Variants in LDB2 observed in about 807,000 individuals in gnomAD.
The protein encoded by LDB2 is LIM domain-binding protein 2.
LDB2 carries 12 observed loss-of-function variants against 44.3 expected under a neutral mutation model. The observed-to-expected ratio is 0.27, with a 90% CI of 0.17 to 0.44. The LOEUF is 0.44. LDB2 is among the 20% of genes least tolerant of loss of function. The pLI, the probability that LDB2 is intolerant of heterozygous loss-of-function variation, is 1.00. For synonymous variants in LDB2, 164 were observed against 174.8 expected, an observed-to-expected ratio of 0.94 and a Z score of 0.49; for missense variants, 344 against 473.5, an observed-to-expected ratio of 0.73 and a Z score of 2.54.
chr4:16,888,635 A>G (rs888320758), intron 1 of LDB2: 8 of 783,610 alleles, frequency 1.0e-5, no homozygotes, highest in Admixed American at 1.2e-4. Flanking sequence ...ATTTTTAAAG[A>G]TACTTTTAAG....
intron 2 of LDB2, among the ~76,000 whole-genome samples, chr4:16,680,367 G>A (rs1410143347): frequency 6.6e-6 from 1 of 152,172 alleles, no homozygotes; most frequent in East Asian, 1.9e-4. Context: ...ATCTGCTTCA[G>A]CCTGCTCTTT....
At chr4:16,834,459 A>C (rs1322547720) in intron 1 of LDB2, among the ~76,000 whole-genome samples, 2 of 152,226 alleles carry the variant, frequency 1.3e-5, no homozygotes, top group Admixed American at 1.3e-4. Flanking sequence ...TATGTTCTGC[A>C]GTTTGGGACA....
At chr4:16,550,733 G>T (rs1459577036) in intron 5 of LDB2, among the ~76,000 whole-genome samples, 5 of 152,192 alleles carry the variant, frequency 3.3e-5, no homozygotes, top group Non-Finnish European at 7.3e-5. Context: ...TGGCATTTTG[G>T]CAAATAATTC....
At chr4:16,639,639 T>G (rs1734602026) in intron 2 of LDB2, among the ~76,000 whole-genome samples, 1 of 152,220 alleles carries the variant, frequency 6.6e-6, no homozygotes, top group South Asian at 2.1e-4. Flanking sequence ...TTTTGTATTT[T>G]TAGTAGAGAC....
At chr4:16,876,109 T>C (rs980855316) in intron 1 of LDB2, among the ~76,000 whole-genome samples, 2 of 152,160 alleles carry the variant, frequency 1.3e-5, no homozygotes, top group Non-Finnish European at 2.9e-5. Context: ...AGTCACAAAA[T>C]CATCTTGCAT....
At chr4:16,842,938 G>A (rs1786171209) in intron 1 of LDB2, among the ~76,000 whole-genome samples, 1 of 152,140 alleles carries the variant, frequency 6.6e-6, no homozygotes, top group Non-Finnish European at 1.5e-5. Flanking sequence ...CACAAAGTAA[G>A]TTTATGAAAG....
chr4:16,624,233 A>C (rs759933094), intron 2 of LDB2, among the ~76,000 whole-genome samples: 2 of 152,052 alleles, frequency 1.3e-5, no homozygotes, highest in African/African-American at 2.4e-5. Flanking sequence ...CACCATCTTA[A>C]ACCTCAAAAC....
At chr4:16,838,243 A>C (rs1785243590) in intron 1 of LDB2, among the ~76,000 whole-genome samples, 1 of 152,166 alleles carries the variant, frequency 6.6e-6, no homozygotes, top group South Asian at 2.1e-4. Context: ...ACGCTAGGAG[A>C]GGGTGACCTT....
intron 2 of LDB2, among the ~76,000 whole-genome samples, chr4:16,717,040 G>A (rs1757198082): frequency 6.6e-6 from 1 of 151,936 alleles, no homozygotes; most frequent in Admixed American, 6.6e-5. Flanking sequence ...TAATATATTA[G>A]CTGTTTCTCA....
At chr4:16,654,451 G>A (rs58781224) in intron 2 of LDB2, among the ~76,000 whole-genome samples, 10,010 of 152,214 alleles carry the variant, frequency 0.066, 663 homozygotes, top group African/African-American at 0.17. Flanking sequence ...CCATCCTTAT[G>A]GAGTTGAGTA....
intron 5 of LDB2, among the ~76,000 whole-genome samples, chr4:16,553,910 G>C (rs1738527907): frequency 1.3e-5 from 2 of 152,048 alleles, no homozygotes; most frequent in African/African-American, 4.8e-5. Context: ...GGCCAAGTAG[G>C]AATTCATGCC....
intron 1 of LDB2, among the ~76,000 whole-genome samples, chr4:16,791,176 T>A (rs1775615647): frequency 6.6e-6 from 1 of 152,190 alleles, no homozygotes; most frequent in South Asian, 2.1e-4. Flanking sequence ...GCTTTAATGC[T>A]TTGCTTAGTT....
At position 16,768,910 on chromosome 4, in the gene LDB2, T is replaced by G. The variant is rs116109749; in HGVS notation, c.133-9650A>C. Among the ~76,000 whole-genome samples, 688 of 152,316 alleles carry G rather than the reference T, an allele frequency of 4.5e-3. 11 individuals are homozygous for G. The highest frequency in any genetic ancestry group is 0.015 in the African/African-American group (634 of 41,562). ...GGCACTGAGGAGTTAGATATTTGCTTAACATGACACAGCTATCAAATTGCC... is the reference window on the plus strand; with the variant it reads ...GGCACTGAGGAGTTAGATATTTGCTGAACATGACACAGCTATCAAATTGCC... On this transcript the variant is annotated intron_variant, in intron 1 of 7. Transcript: ENST00000304523.
intron 2 of LDB2, among the ~76,000 whole-genome samples, chr4:16,716,924 G>C (rs776763875): frequency 2.6e-5 from 4 of 152,004 alleles, no homozygotes; most frequent in African/African-American, 9.7e-5. Context: ...TGATTTAGTG[G>C]ATATGGTGGT....
At chr4:16,846,848 T>C (rs1255496969) in intron 1 of LDB2, among the ~76,000 whole-genome samples, 9 of 152,236 alleles carry the variant, frequency 5.9e-5, no homozygotes. Context: ...ATAATTTATT[T>C]CAACAATTTC....
At position 16,628,097 on chromosome 4, in the gene LDB2, C is replaced by T. The variant is rs563836172; in HGVS notation, c.236-32222G>A. Reference sequence around the variant, plus strand: ...CAAGTTCAACATAAGGAAAGAGAAACGAGGCTGCATTTCAAACGGTTTGGG... The same window carrying T: ...CAAGTTCAACATAAGGAAAGAGAAATGAGGCTGCATTTCAAACGGTTTGGG... On this transcript the variant is annotated intron_variant, in intron 2 of 7. Transcript: ENST00000304523. 1.3e-4 allele frequency among the ~76,000 whole-genome samples: 20 copies of T among 152,224 alleles called. No homozygotes were observed. In the South Asian group the frequency reaches 2.3e-3, roughly 17 times the overall value.
At chr4:16,887,019 C>T (rs375503696) in intron 1 of LDB2, among the ~76,000 whole-genome samples, 20 of 108,244 alleles carry the variant, frequency 1.8e-4, no homozygotes, top group East Asian at 1.7e-3. Flanking sequence ...GGCGACAGAG[C>T]GAAACTCCGT....
intron 1 of LDB2, among the ~76,000 whole-genome samples, chr4:16,785,878 C>G (rs907332569): frequency 6.6e-6 from 1 of 152,086 alleles, no homozygotes; most frequent in Non-Finnish European, 1.5e-5. Flanking sequence ...GTTAAAAACT[C>G]TTATGACCCT....
Position 16,649,886 on chromosome 4 carries a change from G to C in LDB2, c.236-54011C>G, listed in dbSNP as rs1015049456. 2.0e-5 allele frequency among the ~76,000 whole-genome samples: 3 copies of C among 152,290 alleles called. No homozygotes were observed. The South Asian group carries it at 6.2e-4, about 32-fold the overall frequency. ...AACAGGGTTTTAAGGAATTGATAGA[G>C]CTGGTGGCTGAAACTGGCTGAGAAA... On this transcript the variant is annotated intron_variant, in intron 2 of 7. Transcript: ENST00000304523.
Sources: allele counts gnomAD v4.1 joint callset (sites outside exome capture counted in the v4.1 genomes callset), GRCh38; gene constraint gnomAD v4.1.1; transcripts MANE v1.5; gene names NCBI Gene and HGNC (gene_info 2026-07-23, HGNC 2026-07-21).